The following STX8 variants were observed in gnomAD, a reference collection of about 807,000 sequenced individuals.
STX8 encodes the protein syntaxin-8.
STX8 carries 23 observed loss-of-function variants against 37.5 expected under a neutral mutation model. The observed-to-expected ratio is 0.61, with a 90% CI of 0.44 to 0.87. The LOEUF (loss-of-function observed/expected upper bound fraction) is 0.87, where lower values mean the gene tolerates loss of function less well. Ranked by LOEUF, STX8 falls within the 40% of genes least tolerant of loss-of-function variation. STX8 has a pLI of 0.00. For missense variants in STX8, 313 were observed against 284.7 expected (o/e 1.10, Z -0.71); for synonymous variants, 115 against 99.1 (o/e 1.16, Z -0.95).
chr17:9,388,546 G>A (rs1480956571), intron 6 of STX8, among the ~76,000 whole-genome samples: 1 of 150,992 alleles, frequency 6.6e-6, no homozygotes, highest in Admixed American at 6.6e-5. Flanking sequence ...GCTCACGCCT[G>A]TAATCCCAGC....
At chr17:9,465,182 T>A (rs142112398) in intron 6 of STX8, among the ~76,000 whole-genome samples, 1 of 151,568 alleles carries the variant, frequency 6.6e-6, no homozygotes, top group Non-Finnish European at 1.5e-5. Flanking sequence ...CAGAGGATTA[T>A]TACTTGAAGT....
intron 4 of STX8, among the ~76,000 whole-genome samples, chr17:9,532,185 A>G (rs1319307738): frequency 1.3e-5 from 2 of 152,024 alleles, no homozygotes; most frequent in Non-Finnish European, 2.9e-5. Flanking sequence ...AATCCGGACT[A>G]AGTAGCTACA....
intron 6 of STX8, among the ~76,000 whole-genome samples, chr17:9,424,285 G>A (rs1202426033): frequency 2.6e-5 from 4 of 151,978 alleles, no homozygotes; most frequent in Non-Finnish European, 4.4e-5. Flanking sequence ...CGCATTCCTC[G>A]TTCCCTGGGG....
intron 7 of STX8, among the ~76,000 whole-genome samples, chr17:9,342,139 A>G (rs1910381766): frequency 6.6e-6 from 1 of 152,114 alleles, no homozygotes; most frequent in South Asian, 2.1e-4. Flanking sequence ...CACAACCTAC[A>G]TCCCTCGGAT....
At chr17:9,341,135 C>T (rs1279172303) in intron 7 of STX8, among the ~76,000 whole-genome samples, 1 of 151,792 alleles carries the variant, frequency 6.6e-6, no homozygotes, top group Admixed American at 6.6e-5. Flanking sequence ...AGCAATTTCA[C>T]ATGGAAATGG....
chr17:9,435,391 G>A (rs1233600543), intron 6 of STX8, among the ~76,000 whole-genome samples: 1 of 152,178 alleles, frequency 6.6e-6, no homozygotes, highest in Admixed American at 6.5e-5. Flanking sequence ...AGAGCATGCA[G>A]AGTGAGAGAG....
At chr17:9,492,258 T>C (rs1673772363) in intron 5 of STX8, among the ~76,000 whole-genome samples, 1 of 152,188 alleles carries the variant, frequency 6.6e-6, no homozygotes, top group Admixed American at 6.5e-5. Context: ...CAGCAGAGGA[T>C]ACAGGCAAGA....
At chr17:9,550,509 G>C (rs561245066) in intron 3 of STX8, among the ~76,000 whole-genome samples, 38 of 152,158 alleles carry the variant, frequency 2.5e-4, no homozygotes, top group African/African-American at 9.2e-4. Context: ...GGGAGGTGGA[G>C]CTTGCAGTGA....
At chr17:9,528,220 C>A (rs1205183965) in intron 4 of STX8, among the ~76,000 whole-genome samples, 1 of 152,144 alleles carries the variant, frequency 6.6e-6, no homozygotes, top group Non-Finnish European at 1.5e-5. Context: ...CTCCAAACAG[C>A]CAATCCTGGT....
intron 7 of STX8, among the ~76,000 whole-genome samples, chr17:9,324,157 AACACAAAC>A (rs1909677850): frequency 8.8e-6 from 1 of 114,208 alleles, no homozygotes; most frequent in Non-Finnish European, 2.0e-5. Context: ...CACACACACA[AACACAAAC>A]ACACACTCCA....
intron 7 of STX8, among the ~76,000 whole-genome samples, chr17:9,360,911 G>A (rs550566248): frequency 1.8e-4 from 28 of 152,186 alleles, no homozygotes; most frequent in African/African-American, 6.5e-4. Context: ...AGTGAGACCC[G>A]CGGTGCCGGC....
intron 4 of STX8, among the ~76,000 whole-genome samples, chr17:9,515,125 T>C (rs1039582041): frequency 1.7e-4 from 26 of 152,200 alleles, no homozygotes; most frequent in African/African-American, 6.0e-4. Flanking sequence ...GCTGTTTGCA[T>C]TCTGGTGGGA....
chr17:9,394,294 T>C (rs1365007998), intron 6 of STX8, among the ~76,000 whole-genome samples: 2 of 152,130 alleles, frequency 1.3e-5, no homozygotes, highest in African/African-American at 2.4e-5. Context: ...CAGGAATGTA[T>C]ACATGTCAAA....
At chr17:9,547,642 A>AAAAAAAAAAAAAAAAAG (rs10694244) in intron 3 of STX8, among the ~76,000 whole-genome samples, 10 of 115,840 alleles carry the variant, frequency 8.6e-5, no homozygotes, top group South Asian at 2.8e-4. Flanking sequence ...AAAAAAAAGA[A>AAAAAAAAAAAAAAAAAG]AAAAGAAAAG....
At chr17:9,340,649 ATTTTT>A (rs66679333) in intron 7 of STX8, among the ~76,000 whole-genome samples, 9 of 62,112 alleles carry the variant, frequency 1.4e-4, no homozygotes, top group South Asian at 1.7e-3. Flanking sequence ...GTTGCACTTG[ATTTTT>A]TTTTTTTTTT....
chr17:9,443,804 T>C (rs181269127), intron 6 of STX8, among the ~76,000 whole-genome samples: 1 of 152,334 alleles, frequency 6.6e-6, no homozygotes, highest in East Asian at 1.9e-4. Flanking sequence ...TGTATTTCTC[T>C]ACTAAATGAC....
intron 6 of STX8, among the ~76,000 whole-genome samples, chr17:9,411,381 C>T (rs1211022969): frequency 6.6e-6 from 1 of 152,216 alleles, no homozygotes; most frequent in African/African-American, 2.4e-5. Context: ...ATTTTTCATA[C>T]TGTGCTTAGA....
intron 6 of STX8, among the ~76,000 whole-genome samples, chr17:9,487,381 T>A (rs146262510): frequency 1.5e-3 from 225 of 152,138 alleles, no homozygotes; most frequent in Middle Eastern, 3.4e-3. Context: ...ATCACTCAGA[T>A]CACAATAAAA....
At chr17:9,383,433 T>C (rs951269425) in intron 6 of STX8, among the ~76,000 whole-genome samples, 1 of 152,188 alleles carries the variant, frequency 6.6e-6, no homozygotes, top group Non-Finnish European at 1.5e-5. Context: ...CCATCCATGA[T>C]ACAAATTATC....
Sources: gnomAD v4.1 joint callset for allele counts (sites outside exome capture counted in the v4.1 genomes callset) on GRCh38, gnomAD v4.1.1 for gene constraint, MANE v1.5 for transcripts, NCBI Gene and HGNC (gene_info 2026-07-23, HGNC 2026-07-21) for gene names.